The following PANX1 variants were observed in gnomAD, a reference collection of about 807,000 sequenced individuals.
PANX1 encodes pannexin 1.
Under a neutral mutation model 38.7 loss-of-function variants are expected in PANX1, and 30 were observed. The observed-to-expected ratio is 0.78, with a 90% confidence interval of 0.58 to 1.05. The LOEUF is 1.05. Among genes scored for constraint, PANX1 ranks in the 50% least tolerant of loss-of-function variants. The probability of loss-of-function intolerance (pLI) is 0.00; values close to 1 mark genes in which losing one functional copy is unlikely to be tolerated. For synonymous variants in PANX1, 230 were observed against 212.2 expected (o/e 1.08, Z -0.73); for missense variants, 551 against 517.2 (o/e 1.07, Z -0.63).
At chr11:94,157,633 A>G (rs904029863) in intron 2 of PANX1, among the ~76,000 whole-genome samples, 7 of 152,106 alleles carry the variant, frequency 4.6e-5, no homozygotes, top group African/African-American at 1.7e-4. Context: ...GATTCTGGAT[A>G]TTAGCCCTTT....
At chr11:94,169,625 C>T (rs1366850674) in intron 2 of PANX1, among the ~76,000 whole-genome samples, 2 of 151,652 alleles carry the variant, frequency 1.3e-5, no homozygotes, top group African/African-American at 2.4e-5. Flanking sequence ...AATTTGGACA[C>T]AGACATGCTC....
rs149158462 is a variant in PANX1, at chr11:94,177,114, AAACT to A, written c.322-1251_322-1248del. Reference sequence around the variant, plus strand: ...GGAAACTGAGGGTCAGAGACTTTGAAAACTAACCAGATGGATGGGCTAAATGCTG... The same window carrying A: ...GGAAACTGAGGGTCAGAGACTTTGAAAACCAGATGGATGGGCTAAATGCTG... On this transcript the variant is annotated intron_variant, in intron 2 of 4. Transcript: ENST00000227638. 5.4e-3 allele frequency among the ~76,000 whole-genome samples: 825 copies of A among 151,740 alleles called. 28 individuals carry two copies. The highest frequency in any genetic ancestry group is 0.018 in the African/African-American group (733 of 41,038).
chr11:94,167,493 G>C (rs898063697), intron 2 of PANX1, among the ~76,000 whole-genome samples: 1 of 152,122 alleles, frequency 6.6e-6, no homozygotes, highest in African/African-American at 2.4e-5. Flanking sequence ...TTTCACATAT[G>C]ATATTCAGCA....
At chr11:94,137,181 G>A (rs1267572282) in intron 1 of PANX1, among the ~76,000 whole-genome samples, 1 of 152,160 alleles carries the variant, frequency 6.6e-6, no homozygotes, top group Non-Finnish European at 1.5e-5. Context: ...GCGCATGCCT[G>A]TAGTCCCAGC....
At chr11:94,178,742 TATCCCGGG>T in intron 3 of PANX1, 150 bp downstream of exon 3, 1 of 627,694 alleles carries the variant, frequency 1.6e-6, no homozygotes, top group Middle Eastern at 4.3e-4. Flanking sequence ...CAGCCTGTAG[TATCCCGGG>T]ATGTCCACTC....
intron 4 of PANX1, 147 bp from the exon 5 acceptor site, chr11:94,180,643 A>T: frequency 1.7e-6 from 1 of 573,038 alleles, no homozygotes; most frequent in Non-Finnish European, 3.1e-6. Flanking sequence ...TTCAAAGGGG[A>T]CTAAAAGTTT....
chr11:94,153,010 T>C (rs938167097), intron 1 of PANX1, among the ~76,000 whole-genome samples: 4 of 152,208 alleles, frequency 2.6e-5, no homozygotes, highest in Non-Finnish European at 4.4e-5. Flanking sequence ...CAGTGTTCTA[T>C]TACCAATGTT....
chr11:94,141,358 T>G (rs965558554), intron 1 of PANX1, among the ~76,000 whole-genome samples: 3 of 152,214 alleles, frequency 2.0e-5, no homozygotes, highest in African/African-American at 7.2e-5. Context: ...CTCATTGTTT[T>G]AGCTTGTAGT....
chr11:94,161,376 T>C (rs1438998085), intron 2 of PANX1, among the ~76,000 whole-genome samples: 1 of 152,238 alleles, frequency 6.6e-6, no homozygotes, highest in Non-Finnish European at 1.5e-5. Flanking sequence ...CAGACGCAGA[T>C]TTGGTCTTCT....
At position 94,181,416 on chromosome 11, in the gene PANX1, G is replaced by C. The variant is rs1351859526; in HGVS notation, c.*547G>C. 1 of 153,102 alleles carries C rather than the reference G, an allele frequency of 6.5e-6. No individual in the cohort carries two copies. The highest frequency in any genetic ancestry group is 1.5e-5 in the Non-Finnish European group (1 of 68,626). The allele number at this position is 153,102 out of a possible 1,614,324, so 9.5% of individuals were successfully genotyped here. On this transcript the variant is annotated 3_prime_UTR_variant, in exon 5 of 5. Transcript: ENST00000227638. Reference sequence around the variant, plus strand: ...AGGTCCGATGCCTTGGCCCACACTCGAGCTCTCTTTACATTGTTAGTTGTC... The same window carrying C: ...AGGTCCGATGCCTTGGCCCACACTCCAGCTCTCTTTACATTGTTAGTTGTC...
chr11:94,158,945 G>A (rs985931547), intron 2 of PANX1, among the ~76,000 whole-genome samples: 6 of 152,174 alleles, frequency 3.9e-5, no homozygotes, highest in Non-Finnish European at 5.9e-5. Context: ...TTTATTGAGA[G>A]TTTCTAGCAT....
At chr11:94,153,691 A>G (rs1034180768) in intron 2 of PANX1, 61 bp downstream of exon 2, 68 of 1,515,550 alleles carry the variant, frequency 4.5e-5, no homozygotes, top group Non-Finnish European at 5.6e-5. Context: ...ACTAAAGCCC[A>G]GGGAGGCTAT....
intron 2 of PANX1, among the ~76,000 whole-genome samples, chr11:94,167,883 A>G (rs1464355611): frequency 6.6e-6 from 1 of 152,254 alleles, no homozygotes; most frequent in Non-Finnish European, 1.5e-5. Context: ...GGGAATAATC[A>G]GCTAAATGGT....
intron 2 of PANX1, among the ~76,000 whole-genome samples, chr11:94,170,931 G>A (rs186698755): frequency 2.6e-5 from 4 of 151,568 alleles, no homozygotes; most frequent in Admixed American, 2.0e-4. Flanking sequence ...TTAGTTCAGC[G>A]TGCTCATGGA....
intron 2 of PANX1, among the ~76,000 whole-genome samples, chr11:94,177,884 G>A (rs911098222): frequency 1.4e-4 from 21 of 152,018 alleles, no homozygotes; most frequent in African/African-American, 4.1e-4. Context: ...CACTGAAGTC[G>A]AAGCTTTTCT....
chr11:94,136,939 AAC>A (rs1946700039), intron 1 of PANX1, among the ~76,000 whole-genome samples: 1 of 152,210 alleles, frequency 6.6e-6, no homozygotes, highest in South Asian at 2.1e-4. Flanking sequence ...GGCCTCGGGA[AAC>A]ACAGTCATGG....
chr11:94,134,669 C>T (rs1946667437), intron 1 of PANX1, among the ~76,000 whole-genome samples: 1 of 140,036 alleles, frequency 7.1e-6, no homozygotes, highest in Non-Finnish European at 1.5e-5. Flanking sequence ...CCTCCCTCTT[C>T]CTCCTTCTCT....
intron 4 of PANX1, 147 bp downstream of exon 4, chr11:94,180,404 G>A: frequency 4.7e-6 from 3 of 642,674 alleles, no homozygotes; most frequent in South Asian, 2.2e-5. Context: ...GGGGTAGGGG[G>A]AGTGGGAACC....
chr11:94,142,249 G>A (rs564482048), intron 1 of PANX1, among the ~76,000 whole-genome samples: 14 of 152,078 alleles, frequency 9.2e-5, no homozygotes, highest in Non-Finnish European at 1.8e-4. Flanking sequence ...TCTGTTAAGC[G>A]CCACCACCAA....
Sources: gnomAD v4.1 joint callset for allele counts (sites outside exome capture counted in the v4.1 genomes callset) on GRCh38, gnomAD v4.1.1 for gene constraint, MANE v1.5 for transcripts, NCBI Gene and HGNC (gene_info 2026-07-23, HGNC 2026-07-21) for gene names.